Variants in GUSB observed in about 807,000 individuals in gnomAD.
GUSB encodes the protein beta-glucuronidase.
GUSB carries 51 observed loss-of-function variants against 74.6 expected under a neutral mutation model. The ratio of observed to expected loss-of-function variants is 0.68; its 90% CI spans 0.55 to 0.86. GUSB has a LOEUF of 0.86. GUSB is among the 40% of genes least tolerant of loss of function. The probability of loss-of-function intolerance (pLI) is 0.00; values close to 1 mark genes in which losing one functional copy is unlikely to be tolerated. For missense variants in GUSB, 736 were observed against 853.7 expected (o/e 0.86, Z 1.72); for synonymous variants, 360 against 348.3 (o/e 1.03, Z -0.37).
intron 4 of GUSB, among the ~76,000 whole-genome samples, chr7:65,978,066 T>A (rs1283453084): frequency 6.6e-6 from 1 of 152,004 alleles, no homozygotes; most frequent in Non-Finnish European, 1.5e-5. Flanking sequence ...CACCTTGGCC[T>A]CCCAAAGTGC....
intron 11 of GUSB, among the ~76,000 whole-genome samples, chr7:65,962,031 C>A (rs1438684547): frequency 1.3e-5 from 2 of 151,046 alleles, no homozygotes; most frequent in Non-Finnish European, 2.9e-5. Flanking sequence ...AAAAGTTTAT[C>A]TTTTATTTGC....
At chr7:65,962,314 G>A (rs1260969575) in intron 11 of GUSB, among the ~76,000 whole-genome samples, 3 of 152,144 alleles carry the variant, frequency 2.0e-5, no homozygotes, top group Non-Finnish European at 4.4e-5. Flanking sequence ...AGCTGGCAAC[G>A]ACCTGTCAGG....
chr7:65,969,006 T>C (rs938698026), intron 9 of GUSB, among the ~76,000 whole-genome samples: 16 of 152,204 alleles, frequency 1.1e-4, no homozygotes, highest in Admixed American at 2.0e-4. Context: ...AGCTTCAGCA[T>C]AGCGGTGCTT....
At position 65,974,626 on chromosome 7, in the gene GUSB, G is replaced by A. The variant is rs121918173; in HGVS notation, c.1144C>T (p.Arg382Cys). 1.2e-5 allele frequency: 19 copies of A among 1,613,900 alleles called. No individual in the cohort carries two copies. The highest frequency in any genetic ancestry group is 4.0e-5 in the African/African-American group (3 of 74,940). The part of the protein sequence containing the change: ...LLRWLGANAF[R>C]TSHYPYAEEV... ...TCTGCATAGGGGTAGTGGCTGGTAC[G>A]GAAAGCGTTGGCACCAAGCCAGCGA... Residue 382 changes from arginine (R) to cysteine (C), a missense_variant, in exon 7 of 12, where the codon CGT (arginine) becomes TGT (cysteine). Arg to Cys is a radical substitution (Grantham distance 180, BLOSUM62 -3). Coordinates refer to ENST00000304895, the MANE Select transcript of GUSB (RefSeq NM_000181.4).
chr7:65,972,177 TGA>T (rs1162764101), intron 8 of GUSB, among the ~76,000 whole-genome samples: 1 of 152,174 alleles, frequency 6.6e-6, no homozygotes, highest in Non-Finnish European at 1.5e-5. Context: ...TTTGTTTTTT[TGA>T]GAGACAGAAT....
chr7:65,969,254 C>T (rs1467751792), intron 9 of GUSB, among the ~76,000 whole-genome samples: 2 of 152,020 alleles, frequency 1.3e-5, no homozygotes, highest in African/African-American at 4.8e-5. Flanking sequence ...TGGTGGCATG[C>T]ACCTGTAATC....
chr7:65,982,177 G>C lies in GUSB; in HGVS notation c.7C>G (p.Arg3Gly). The C allele has an allele frequency of 6.6e-7, 1 of 1,512,792 alleles. No individual in the cohort carries two copies. The highest frequency in any genetic ancestry group is 8.8e-7 in the Non-Finnish European group (1 of 1,130,596). 93.7% of individuals were successfully genotyped at this position (1,512,792 alleles called of 1,614,324 possible). The part of the protein sequence containing the change: MA[R>G]GSAVAWAALG... ...GCCGCCCAGGCAACCGCCGACCCCC[G>C]GGCCATGCTTCCCGGTCCCCCGCTC... is the stretch of plus-strand genomic sequence containing the variant. Residue 3 changes from arginine to glycine, a missense_variant, in exon 1 of 12, where the codon CGG (arginine) becomes GGG (glycine). Transcript: ENST00000304895.
chr7:65,979,975 C>G, intron 2 of GUSB, 64 bp from the exon 3 acceptor site: 3 of 1,331,586 alleles, frequency 2.3e-6, no homozygotes, highest in Non-Finnish European at 3.1e-6. Flanking sequence ...GCCCTACTAT[C>G]GGGCACTCCC....
rs2116043432 is a variant in GUSB at position 65,980,397 on chromosome 7, C to T, written c.223G>A (p.Val75Met). 1.2e-6 allele frequency: 2 copies of T among 1,613,328 alleles called. No homozygotes were observed. The highest frequency in any genetic ancestry group is 1.7e-6 in the Non-Finnish European group (2 of 1,179,672). ...RRPLWESGPT[V>M]DMPVPSSFND... ...AAGCTGGAGGGAACTGGCATGTCCACGGTGGGGCCTGACTGTGGAGAGAAG... is the reference window on the plus strand; with the variant it reads ...AAGCTGGAGGGAACTGGCATGTCCATGGTGGGGCCTGACTGTGGAGAGAAG... The change falls in exon 2 of 12, where the codon GTG becomes ATG. Residue 75 changes from valine to methionine, a missense_variant. Physicochemically the swap from Val to Met is conservative, Grantham distance 21 (BLOSUM62 1). This residue lies in a region of GUSB where 368 missense variants were observed against 363.8 expected (regional missense o/e 1.01). Coordinates refer to ENST00000304895, the MANE Select transcript of GUSB (RefSeq NM_000181.4).
intron 10 of GUSB, among the ~76,000 whole-genome samples, chr7:65,965,504 A>G (rs1329244602): frequency 6.6e-6 from 1 of 152,180 alleles, no homozygotes; most frequent in African/African-American, 2.4e-5. Context: ...CAGTGCAAAT[A>G]TAGAACATTT....
intron 9 of GUSB, among the ~76,000 whole-genome samples, chr7:65,968,331 G>C (rs1790975948): frequency 6.6e-6 from 1 of 152,062 alleles, no homozygotes; most frequent in African/African-American, 2.4e-5. Context: ...CCCTGCCATA[G>C]GCAAGAAACA....
rs1791414185 is a variant in GUSB at position 65,974,356 on chromosome 7, C to T, written c.1330G>A (p.Val444Met). 9 of 1,614,056 alleles carry T rather than the reference C, an allele frequency of 5.6e-6. No homozygotes were observed. Among genetic ancestry groups the T allele is most frequent in the Non-Finnish European group, 7.6e-6 (9 of 1,180,032 alleles). Residue 444 changes from valine (V) to methionine (M), a missense_variant, in exon 8 of 12, where the codon GTG (valine) becomes ATG (methionine). By Grantham distance (21) the Val-to-Met change is conservative. Transcript: ENST00000304895. ...VRRDKNHPAV[V>M]MWSVANEPAS... ...GGCTCGTTGGCCACAGACCACATCA[C>T]GACCGCGGGGTGGTTCTTGTCCCTA... is the stretch of plus-strand genomic sequence containing the variant.
intron 2 of GUSB, 39 bp downstream of exon 2, chr7:65,980,185 G>GTGGCC: frequency 1.4e-6 from 1 of 725,268 alleles, no homozygotes; most frequent in African/African-American, 1.9e-5. Flanking sequence ...CAGCAGCCGT[G>GTGGCC]CCCCCCCACC....
At chr7:65,970,665 G>A (rs1056502580) in intron 8 of GUSB, among the ~76,000 whole-genome samples, 10 of 152,016 alleles carry the variant, frequency 6.6e-5, no homozygotes, top group Non-Finnish European at 1.3e-4. Flanking sequence ...AGGCCGAGGC[G>A]GGCAGATCAC....
intron 11 of GUSB, among the ~76,000 whole-genome samples, chr7:65,963,714 CTGTT>C (rs919874416): frequency 3.3e-5 from 5 of 152,180 alleles, no homozygotes; most frequent in African/African-American, 9.6e-5. Flanking sequence ...CCTAGCTAAT[CTGTT>C]TATTTTTTGT....
chr7:65,961,761 TG>T (rs1790512273), intron 11 of GUSB, among the ~76,000 whole-genome samples: 1 of 152,170 alleles, frequency 6.6e-6, no homozygotes, highest in South Asian at 2.1e-4. Flanking sequence ...CCCAGCACTC[TG>T]GGAGGACAAA....
chr7:65,968,669 C>G (rs1443699722), intron 9 of GUSB, among the ~76,000 whole-genome samples: 1 of 152,224 alleles, frequency 6.6e-6, no homozygotes, highest in Non-Finnish European at 1.5e-5. Flanking sequence ...TCACTGCAAC[C>G]TCTGCCTCCC....
chr7:65,970,903 A>C (rs1250088626), intron 8 of GUSB, among the ~76,000 whole-genome samples: 2 of 151,826 alleles, frequency 1.3e-5, no homozygotes, highest in Non-Finnish European at 2.9e-5. Flanking sequence ...CAAACAAACA[A>C]AAACAAAGGG....
At chr7:65,968,720 A>G (rs1032822779) in intron 9 of GUSB, among the ~76,000 whole-genome samples, 2 of 152,116 alleles carry the variant, frequency 1.3e-5, no homozygotes, top group African/African-American at 4.8e-5. Flanking sequence ...CCGAGTAGCT[A>G]GGATTACAGG....
Sources: allele counts gnomAD v4.1 joint callset (sites outside exome capture counted in the v4.1 genomes callset), GRCh38; gene constraint gnomAD v4.1.1; regional missense constraint gnomAD v4.1.1; transcripts MANE v1.5; gene names NCBI Gene and HGNC (gene_info 2026-07-23, HGNC 2026-07-21).